The following PANK1 variants were observed in gnomAD, a reference collection of about 807,000 sequenced individuals.
PANK1 encodes the protein pantothenate kinase 1.
In PANK1, 18 loss-of-function variants were observed where a neutral mutation model predicts 40.1. The ratio of observed to expected loss-of-function variants is 0.45; its 90% confidence interval spans 0.31 to 0.67. The LOEUF is 0.67. Among genes scored for constraint, PANK1 ranks in the 30% least tolerant of loss-of-function variants. The probability of loss-of-function intolerance (pLI) is 0.06; values close to 1 mark genes in which losing one functional copy is unlikely to be tolerated. For missense variants in PANK1, 457 were observed against 599.6 expected, an observed-to-expected ratio of 0.76 and a Z score of 2.48; for synonymous variants, 242 against 237.7, an observed-to-expected ratio of 1.02 and a Z score of -0.17.
chr10:89,595,832 AAATATATATAT>A (rs1227224373), intron 3 of PANK1, among the ~76,000 whole-genome samples: 1 of 56,560 alleles, frequency 1.8e-5, no homozygotes, highest in African/African-American at 1.0e-4. Flanking sequence ...AAAAAAAAAA[AAATATATATAT>A]ATATATATAT....
At chr10:89,613,968 T>C (rs1416787214) in intron 1 of PANK1, 1 of 456,588 alleles carries the variant, frequency 2.2e-6, no homozygotes, top group Non-Finnish European at 4.4e-6. Context: ...GTAAAAGGAA[T>C]GGGTTGCATT....
intron 1 of PANK1, among the ~76,000 whole-genome samples, chr10:89,623,000 G>A (rs557609906): frequency 2.9e-4 from 44 of 152,238 alleles, no homozygotes; most frequent in African/African-American, 1.0e-3. Flanking sequence ...ATCATTTAAT[G>A]ATGTGAGACA....
chr10:89,614,211 G>C (rs1215117157), intron 1 of PANK1, among the ~76,000 whole-genome samples: 1 of 152,158 alleles, frequency 6.6e-6, no homozygotes, highest in African/African-American at 2.4e-5. Flanking sequence ...ACACTGGATA[G>C]GATGGGAGAA....
chr10:89,612,552 A>G (rs1373319385), intron 1 of PANK1, among the ~76,000 whole-genome samples: 2 of 152,198 alleles, frequency 1.3e-5, no homozygotes, highest in African/African-American at 4.8e-5. Flanking sequence ...GGCGCATTTC[A>G]ATGATTCCAT....
intron 3 of PANK1, among the ~76,000 whole-genome samples, chr10:89,597,458 G>T (rs1248455814): frequency 6.6e-6 from 1 of 152,138 alleles, no homozygotes; most frequent in Admixed American, 6.5e-5. Flanking sequence ...TTATAGGGAA[G>T]CTTGAACATC....
Position 89,643,956 on chromosome 10 carries a change from A to AG in PANK1, c.292+643_292+644insC, listed in dbSNP as rs972026649. 7.8e-6 allele frequency: 8 copies of AG among 1,027,586 alleles called. No individual in the cohort carries two copies. In the African/African-American group the frequency reaches 1.3e-4, roughly 17 times the overall value. The allele number at this position is 1,027,586 out of a possible 1,614,324, so 63.7% of individuals were successfully genotyped here. On this transcript the variant is annotated intron_variant, in intron 1 of 6. Transcript: ENST00000307534. ...ACCTCCCCCTTCGTTGAAAAAAAAA[A>AG]TCCACCTCCAATCCTCATTGGTCCA...
chr10:89,598,245 G>A (rs940414569), intron 3 of PANK1, among the ~76,000 whole-genome samples: 2 of 152,224 alleles, frequency 1.3e-5, no homozygotes, highest in Non-Finnish European at 2.9e-5. Flanking sequence ...TCATGGAAAT[G>A]TACTGCAAAA....
At chr10:89,596,484 T>C (rs540383374) in intron 3 of PANK1, among the ~76,000 whole-genome samples, 1 of 152,340 alleles carries the variant, frequency 6.6e-6, no homozygotes, top group East Asian at 1.9e-4. Flanking sequence ...AAAGCGAGCA[T>C]GCATTTGCAC....
chr10:89,608,507 T>G (rs1309769018), intron 2 of PANK1, among the ~76,000 whole-genome samples: 1 of 152,170 alleles, frequency 6.6e-6, no homozygotes, highest in African/African-American at 2.4e-5. Flanking sequence ...TCTTGTACAT[T>G]TTAAATGGAA....
chr10:89,590,948 C>A (rs1215806711), intron 5 of PANK1, among the ~76,000 whole-genome samples: 1 of 152,004 alleles, frequency 6.6e-6, no homozygotes, highest in Non-Finnish European at 1.5e-5. Context: ...ATAGAGAAAG[C>A]ATGTGTTGTG....
rs193211279 is a variant in PANK1, at chr10:89,599,231, C to T, written c.899+21G>A. The T allele has an allele frequency of 1.9e-6, 3 of 1,605,276 alleles. No homozygotes were observed. In the African/African-American group the frequency reaches 4.0e-5, roughly 22 times the overall value. On this transcript the variant is annotated intron_variant, in intron 3 of 6. Coordinates refer to ENST00000307534, the MANE Select transcript of PANK1 (RefSeq NM_148977.3). ...ATCAAGAAAGAGGTCTGGGTTCAAGCACAAGCAGAAACATGTTTACCTGGT... is the reference window on the plus strand; with the variant it reads ...ATCAAGAAAGAGGTCTGGGTTCAAGTACAAGCAGAAACATGTTTACCTGGT...
chr10:89,614,156 G>A (rs888496136), intron 1 of PANK1: 22 of 394,302 alleles, frequency 5.6e-5, no homozygotes, highest in African/African-American at 4.6e-4. Context: ...TATGCAACCA[G>A]TGCTGCAGTT....
At chr10:89,614,182 CAG>C (rs948458145) in intron 1 of PANK1, among the ~76,000 whole-genome samples, 6 of 152,168 alleles carry the variant, frequency 3.9e-5, no homozygotes, top group Non-Finnish European at 2.9e-5. Flanking sequence ...CCATTCTCAT[CAG>C]AGAGGCGAAG....
intron 1 of PANK1, chr10:89,639,349 G>A (rs938437959): frequency 1.9e-5 from 6 of 313,100 alleles, no homozygotes; most frequent in Admixed American, 1.7e-4. Context: ...CCCCCATTAA[G>A]CCCCACCTTC....
intron 2 of PANK1, among the ~76,000 whole-genome samples, chr10:89,608,728 A>T (rs1261814487): frequency 6.6e-6 from 1 of 152,252 alleles, no homozygotes; most frequent in Non-Finnish European, 1.5e-5. Flanking sequence ...ATACAATAAC[A>T]ATAACAGGAC....
rs185680341 is a variant in PANK1 at position 89,594,914 on chromosome 10, T to C, written c.900-925A>G. On this transcript the variant is annotated intron_variant, in intron 3 of 6. Coordinates refer to ENST00000307534, the MANE Select transcript of PANK1 (RefSeq NM_148977.3). The stretch of plus-strand genomic sequence containing the variant: ...AAGGAGTATTGATTCCTAAAGCTAA[T>C]GGACATAGGTTTTCCTATTTCTTTA... Among the ~76,000 whole-genome samples, 313 of 152,332 alleles carry C rather than the reference T, an allele frequency of 2.1e-3. 2 individuals are homozygous for C. In the South Asian group the frequency reaches 0.024, roughly 12 times the overall value.
intron 2 of PANK1, among the ~76,000 whole-genome samples, chr10:89,607,385 T>C (rs1173267808): frequency 6.6e-6 from 1 of 152,160 alleles, no homozygotes; most frequent in Non-Finnish European, 1.5e-5. Context: ...ATGTGGTGGG[T>C]GCCCCAAAAC....
At chr10:89,595,873 TAA>T (rs1844582054) in intron 3 of PANK1, among the ~76,000 whole-genome samples, 1 of 81,500 alleles carries the variant, frequency 1.2e-5, no homozygotes, top group Non-Finnish European at 2.1e-5. Flanking sequence ...TATATATATA[TAA>T]CTTCATTTAC....
In PANK1 at chr10:89,636,658, A is replaced by G. The variant is rs1564638842; in HGVS notation, c.292+7942T>C. Among the ~76,000 whole-genome samples, 4 of 151,246 alleles carry G rather than the reference A, an allele frequency of 2.6e-5. No individual in the cohort carries two copies. The South Asian group carries it at 8.4e-4, about 32-fold the overall frequency. Reference sequence around the variant, plus strand: ...AGTAGAGACGGTGTTTCACAGTGTTAGCCAGGATGGTCTCGATCTCCTGAC... The same window carrying G: ...AGTAGAGACGGTGTTTCACAGTGTTGGCCAGGATGGTCTCGATCTCCTGAC... On this transcript the variant is annotated intron_variant, in intron 1 of 6. Coordinates refer to ENST00000307534, the MANE Select transcript of PANK1 (RefSeq NM_148977.3).
Sources: allele counts gnomAD v4.1 joint callset (sites outside exome capture counted in the v4.1 genomes callset), GRCh38; gene constraint gnomAD v4.1.1; transcripts MANE v1.5; gene names NCBI Gene and HGNC (gene_info 2026-07-23, HGNC 2026-07-21).